The following VPS13C variants were observed in gnomAD, a reference collection of about 807,000 sequenced individuals.
VPS13C encodes intermembrane lipid transfer protein VPS13C.
A neutral mutation model predicts 456.8 loss-of-function variants in VPS13C; 358 were observed. The ratio of observed to expected loss-of-function variants is 0.78; its 90% CI spans 0.72 to 0.86. The LOEUF (loss-of-function observed/expected upper bound fraction) is 0.86, where lower values mean the gene tolerates loss of function less well. Ranked by LOEUF, VPS13C falls within the 40% of genes least tolerant of loss-of-function variation. VPS13C has a pLI of 0.00. For missense variants in VPS13C, 4,818 were observed against 4,385.4 expected (o/e 1.10, Z -2.79); for synonymous variants, 1,578 against 1,486.7 (o/e 1.06, Z -1.41).
chr15:62,008,501 A>G (rs1182593756), intron 14 of VPS13C, among the ~76,000 whole-genome samples, 154 bp downstream of exon 14: 1 of 152,170 alleles, frequency 6.6e-6, no homozygotes. Context: ...TGTTTTTATA[A>G]GTAATCAATA....
At chr15:62,023,903 G>C in intron 6 of VPS13C, 58 bp from the exon 7 acceptor site, 1 of 1,468,172 alleles carries the variant, frequency 6.8e-7, no homozygotes, top group South Asian at 1.3e-5. Flanking sequence ...GCAGACTACA[G>C]GACAGAAAAG....
At chr15:61,936,463 G>A (rs746285027) in intron 48 of VPS13C, 134 bp downstream of exon 48, 15 of 860,236 alleles carry the variant, frequency 1.7e-5, no homozygotes, top group Non-Finnish European at 2.3e-5. Flanking sequence ...AGCCCCAGCC[G>A]AATTTCCACA....
intron 5 of VPS13C, among the ~76,000 whole-genome samples, chr15:62,030,254 G>T (rs1367916549): frequency 6.6e-6 from 1 of 152,176 alleles, no homozygotes; most frequent in Non-Finnish European, 1.5e-5. Context: ...ACAAAAGGTT[G>T]TATAAGAAAG....
At chr15:62,004,826 C>T (rs946680025) in intron 15 of VPS13C, among the ~76,000 whole-genome samples, 7 of 151,876 alleles carry the variant, frequency 4.6e-5, no homozygotes, top group Admixed American at 6.6e-5. Context: ...TGTAGTTGAG[C>T]GGTTTTGAGT....
At chr15:61,909,221 T>A in intron 64 of VPS13C, 96 bp from the exon 65 acceptor site, 6 of 1,486,262 alleles carry the variant, frequency 4.0e-6, no homozygotes, top group Non-Finnish European at 5.4e-6. Context: ...AAGCTTTGGT[T>A]TTTTTCGAGA....
Position 61,867,465 on chromosome 15 carries a change from G to C in VPS13C, c.10863+1194C>G. On this transcript the variant is annotated intron_variant, in intron 81 of 84. Coordinates refer to ENST00000644861, the MANE Select transcript of VPS13C (RefSeq NM_020821.3). This position sits in a 1 kb window ranked among gnomAD's most constrained non-coding sequence, Gnocchi z 5.0. ...AGCAGATGCTCCAGGTAATAGTCCC[G>C]TAACTTAAGCAAATTTAGAGCCATT... 1.0e-6 allele frequency: 1 copy of C among 988,034 alleles called. No individual in the cohort carries two copies. Among genetic ancestry groups the C allele is most frequent in the Non-Finnish European group, 1.2e-6 (1 of 831,946 alleles). The allele number at this position is 988,034 out of a possible 1,614,324, so 61.2% of individuals were successfully genotyped here. A position where few individuals can be genotyped will look rare whatever the true frequency, so the allele number is the denominator to read the frequency against.
At chr15:61,903,723 C>T (rs1180791456) in intron 66 of VPS13C, among the ~76,000 whole-genome samples, 2 of 152,188 alleles carry the variant, frequency 1.3e-5, no homozygotes. Context: ...ACACATCACA[C>T]TGACTGACTT....
intron 27 of VPS13C, among the ~76,000 whole-genome samples, chr15:61,971,014 T>C (rs1051506978): frequency 1.3e-5 from 2 of 152,136 alleles, no homozygotes; most frequent in Non-Finnish European, 2.9e-5. Flanking sequence ...ACTGCTATTT[T>C]CCAGTACCTA....
Position 61,858,861 on chromosome 15 carries a change from G to A in VPS13C, c.10953-2452C>T, listed in dbSNP as rs1894071899. On this transcript the variant is annotated intron_variant, in intron 82 of 84. Transcript: ENST00000644861. This position sits in a 1 kb window ranked among gnomAD's most constrained non-coding sequence, Gnocchi z 4.4. ...TTGGAAGTGGATTCTGTGGTAATTT[G>A]TTGTGCAGCAATACAAAATGTATAC... Among the ~76,000 whole-genome samples, 1 of 152,124 alleles carries A rather than the reference G, an allele frequency of 6.6e-6. No individual in the cohort carries two copies. The highest frequency in any genetic ancestry group is 6.6e-5 in the Admixed American group (1 of 15,248).
chr15:61,922,699 C>A lies in VPS13C; in HGVS notation c.6673G>T (p.Glu2225Ter). 6.2e-6 allele frequency: 10 copies of A among 1,613,770 alleles called. No individual in the cohort carries two copies. The highest frequency in any genetic ancestry group is 8.5e-6 in the Non-Finnish European group (10 of 1,179,856). The change falls in exon 54 of 85, where the codon GAA becomes TAA. Residue 2225 changes from glutamate to a stop codon, truncating the protein, a stop_gained. Transcript: ENST00000644861. LOFTEE classifies it high-confidence loss of function. ...IMAALSPKTK[E>*]DGSKDTSKEM... is the part of the protein sequence containing the mutation. ...TTAGACGTATCTTTGGATCCATCTT[C>A]TTTTGTTTTTGGAGACAATGCAGCC...
At chr15:61,966,007 C>T (rs1439199915) in intron 30 of VPS13C, 76 bp downstream of exon 30, 2 of 1,080,382 alleles carry the variant, frequency 1.9e-6, no homozygotes, top group African/African-American at 1.6e-5. Context: ...CTAGTCAATA[C>T]TCCTCAAAGG....
Position 62,007,348 on chromosome 15 carries a change from GT to G in VPS13C, c.1249del (p.Thr417HisfsTer20). The G allele has an allele frequency of 6.2e-7, 1 of 1,612,348 alleles. No individual in the cohort carries two copies. Among genetic ancestry groups the G allele is most frequent in the Non-Finnish European group, 8.5e-7 (1 of 1,179,332 alleles). The part of the protein sequence containing the change: ...SYKIAYKNKL[T>X]QSKVSEEIQK... ...TATTTCTTCTGAGACTTTAGACTGT[GT>G]TAACTTGTTTTTGTAGGCAATTTTA... On this transcript the variant is annotated frameshift_variant, in exon 15 of 85. Transcript: ENST00000644861. LOFTEE classifies it high-confidence loss of function.
intron 4 of VPS13C, among the ~76,000 whole-genome samples, chr15:62,033,952 A>AATACAT (rs1349276074): frequency 1.3e-5 from 2 of 151,420 alleles, no homozygotes; most frequent in African/African-American, 4.8e-5. Flanking sequence ...AGTAATTCGG[A>AATACAT]ATACATATCA....
chr15:61,909,208 C>G, intron 64 of VPS13C, 83 bp from the exon 65 acceptor site: 1 of 1,541,426 alleles, frequency 6.5e-7, no homozygotes, highest in Non-Finnish European at 8.8e-7. Context: ...ACGTAAAACA[C>G]AAAAGCTTTG....
At chr15:61,980,408 T>C (rs553374714) in intron 22 of VPS13C, among the ~76,000 whole-genome samples, 163 of 152,254 alleles carry the variant, frequency 1.1e-3, no homozygotes, top group African/African-American at 3.7e-3. Context: ...CAAAGAACGA[T>C]AGCATCCGCT....
intron 32 of VPS13C, among the ~76,000 whole-genome samples, chr15:61,963,562 A>G (rs572929868): frequency 6.6e-6 from 1 of 152,270 alleles, no homozygotes; most frequent in East Asian, 1.9e-4. Flanking sequence ...GCCCATCAAT[A>G]GCATTCCTAC....
chr15:61,955,083 C>T (rs1320805366), intron 37 of VPS13C, among the ~76,000 whole-genome samples: 1 of 152,046 alleles, frequency 6.6e-6, no homozygotes, highest in Non-Finnish European at 1.5e-5. Flanking sequence ...AAAGGTAAAG[C>T]TATATAATTA....
intron 3 of VPS13C, 85 bp from the exon 4 acceptor site, chr15:62,035,137 CA>C: frequency 1.1e-6 from 1 of 890,594 alleles, no homozygotes; most frequent in Non-Finnish European, 1.8e-6. Flanking sequence ...AGCGAAAAAG[CA>C]TAAAAAACTC....
At chr15:62,032,423 C>T (rs2140643255) in intron 5 of VPS13C, among the ~76,000 whole-genome samples, 1 of 151,768 alleles carries the variant, frequency 6.6e-6, no homozygotes, top group Non-Finnish European at 1.5e-5. Flanking sequence ...AATGTTGAAG[C>T]TTCTAGAAAA....
Sources: gnomAD v4.1 joint callset for allele counts (sites outside exome capture counted in the v4.1 genomes callset) on GRCh38, gnomAD v4.1.1 for gene constraint, Gnocchi (gnomAD v3.1) non-coding constraint, MANE v1.5 for transcripts, NCBI Gene and HGNC (gene_info 2026-07-23, HGNC 2026-07-21) for gene names.